Variants in ADA2 observed in about 807,000 individuals in gnomAD.
ADA2 encodes adenosine deaminase 2.
ADA2 carries 29 observed loss-of-function variants against 44.2 expected under a neutral mutation model. The ratio of observed to expected loss-of-function variants is 0.66; its 90% CI spans 0.49 to 0.89. The LOEUF is 0.89. Among genes scored for constraint, ADA2 ranks in the 40% least tolerant of loss-of-function variants. The pLI, the probability that ADA2 is intolerant of heterozygous loss-of-function variation, is 0.00. For missense variants in ADA2, 637 were observed against 644.8 expected, an observed-to-expected ratio of 0.99 and a Z score of 0.13; for synonymous variants, 215 against 234.9, an observed-to-expected ratio of 0.92 and a Z score of 0.77.
rs2286347 is a variant in ADA2, at chr22:17,190,162, C to T, written c.882-130G>A. The T allele has an allele frequency of 0.05, 34,265 of 680,272 alleles. 1,601 individuals are homozygous for T. Among genetic ancestry groups the T allele is most frequent in the East Asian group, 0.18 (6,747 of 37,610 alleles). The allele number at this position is 680,272 out of a possible 1,614,324, so 42.1% of individuals were successfully genotyped here. On this transcript the variant is annotated intron_variant, in intron 5 of 9. Transcript: ENST00000399837. The stretch of plus-strand genomic sequence containing the variant: ...GTCCCGTTTCCCAAACCTGAGGCAC[C>T]CCTGCCCTCCTGACCCCACCCTGAC...
intron 7 of ADA2, 94 bp downstream of exon 7, chr22:17,188,245 C>T (rs1256745073): frequency 4.7e-5 from 38 of 814,392 alleles, no homozygotes; most frequent in Middle Eastern, 6.8e-4. Context: ...GCTCTGGAAA[C>T]GCCTGTAGGC....
Position 17,182,763 on chromosome 22 carries a change from T to C in ADA2, c.1082-2A>G, listed in dbSNP as rs778965407. On this transcript the variant is annotated splice_acceptor_variant, in intron 7 of 9. Coordinates refer to ENST00000399837, the MANE Select transcript of ADA2 (RefSeq NM_001282225.2). LOFTEE classifies it high-confidence loss of function. ...TGTCTATGGAAGTACCCTGCCAGTC[T>C]GAACACACGGGAATGGTCTTCCATG... is the stretch of plus-strand genomic sequence containing the variant. 2 of 1,612,876 alleles carry C rather than the reference T, an allele frequency of 1.2e-6. No homozygotes were observed. Among genetic ancestry groups the C allele is most frequent in the Admixed American group, 1.7e-5 (1 of 59,956 alleles).
chr22:17,192,379 G>A (rs1377652322), intron 4 of ADA2, among the ~76,000 whole-genome samples: 9 of 152,120 alleles, frequency 5.9e-5, no homozygotes, highest in Admixed American at 4.6e-4. Context: ...TGAGAATGAC[G>A]TCATTCCCCA....
At chr22:17,213,669 G>A (rs1168006834) in intron 1 of ADA2, 2 of 260,008 alleles carry the variant, frequency 7.7e-6, no homozygotes, top group South Asian at 3.9e-5. Flanking sequence ...GAAGCAGCAC[G>A]GCCTGGACAA....
In ADA2 at chr22:17,188,189, C is replaced by T. The variant is rs117996853; in HGVS notation, c.1081+150G>A. 3,911 of 540,586 alleles carry T rather than the reference C, an allele frequency of 7.2e-3. 25 individuals carry two copies. The highest frequency in any genetic ancestry group is 0.023 in the Middle Eastern group (48 of 2,054). 33.5% of individuals were successfully genotyped at this position (540,586 alleles called of 1,614,324 possible). ...TTCTATTATCCTTGTTATTCCTTCT[C>T]CATGGGGCTGTTGTCAGGATTAAGT... On this transcript the variant is annotated intron_variant, in intron 7 of 9. Coordinates refer to ENST00000399837, the MANE Select transcript of ADA2 (RefSeq NM_001282225.2).
intron 3 of ADA2, 116 bp from the exon 4 acceptor site, chr22:17,203,889 C>T (rs2062322246): frequency 8.7e-6 from 6 of 689,172 alleles, no homozygotes; most frequent in Non-Finnish European, 1.6e-5. Flanking sequence ...CAGGATTCAC[C>T]CTAGAGTGGA....
upstream of ADA2, among the ~76,000 whole-genome samples, chr22:17,220,826 C>G (rs572640801): frequency 6.6e-6 from 1 of 152,246 alleles, no homozygotes; most frequent in Admixed American, 6.5e-5. Flanking sequence ...ATTTAATAAA[C>G]AGGAAGAAAT....
chr22:17,206,974 G>C lies in ADA2; in HGVS notation c.542+97C>G, dbSNP rs118109773. On this transcript the variant is annotated intron_variant, in intron 3 of 9. Transcript: ENST00000399837. The stretch of plus-strand genomic sequence containing the variant: ...CAGCCTTGCCTCATGTTTTATTAAA[G>C]CCAGATTTTTATCTATAGGTTTGTA... 89 of 925,876 alleles carry C rather than the reference G, an allele frequency of 9.6e-5. No individual in the cohort carries two copies. In the East Asian group the frequency reaches 2.3e-3, roughly 23 times the overall value. The allele number at this position is 925,876 out of a possible 1,614,324, so 57.4% of individuals were successfully genotyped here. A position where few individuals can be genotyped will look rare whatever the true frequency, so the allele number is the denominator to read the frequency against.
chr22:17,189,749 C>T (rs913405671), intron 6 of ADA2, 193 bp downstream of exon 6: 30 of 554,974 alleles, frequency 5.4e-5, no homozygotes, highest in Non-Finnish European at 8.8e-5. Context: ...CAGCCGTCCC[C>T]TGTAGGCCTC....
At chr22:17,203,932 G>A (rs770341941) in intron 3 of ADA2, among the ~76,000 whole-genome samples, 159 bp from the exon 4 acceptor site, 8 of 152,124 alleles carry the variant, frequency 5.3e-5, no homozygotes, top group Admixed American at 6.6e-5. Context: ...GCATTCCCAC[G>A]CTCACGATAT....
chr22:17,194,007 G>A (rs770833569), intron 4 of ADA2, among the ~76,000 whole-genome samples: 1 of 120,768 alleles, frequency 8.3e-6, no homozygotes, highest in Admixed American at 8.7e-5. Context: ...GTTCCTGTCT[G>A]TAAAAAGGAA....
intron 7 of ADA2, among the ~76,000 whole-genome samples, chr22:17,184,058 C>G (rs2062007518): frequency 7.1e-6 from 1 of 140,570 alleles, no homozygotes; most frequent in African/African-American, 2.7e-5. Flanking sequence ...TCCCGGGGTT[C>G]ATGCCATTCT....
At chr22:17,194,775 T>C (rs921585937) in intron 4 of ADA2, among the ~76,000 whole-genome samples, 1 of 151,624 alleles carries the variant, frequency 6.6e-6, no homozygotes, top group Non-Finnish European at 1.5e-5. Context: ...TATTGTCTAT[T>C]ATTATTATTA....
At chr22:17,181,701 C>T in intron 9 of ADA2, 119 bp downstream of exon 9, 1 of 1,074,236 alleles carries the variant, frequency 9.3e-7, no homozygotes, top group Non-Finnish European at 1.4e-6. Context: ...GACTAAACAG[C>T]CATGATGAGA....
intron 4 of ADA2, chr22:17,199,626 G>A (rs749495371): frequency 6.2e-7 from 1 of 1,613,900 alleles, no homozygotes; most frequent in South Asian, 1.1e-5. Flanking sequence ...CTCTGGGATC[G>A]CCATTTGAGG....
chr22:17,207,286 A>G lies in ADA2; in HGVS notation c.327T>C (p.Ala109=), dbSNP rs1451354902. 6.2e-7 allele frequency: 1 copy of G among 1,600,964 alleles called. No homozygotes were observed. The highest frequency in any genetic ancestry group is 1.7e-5 in the Admixed American group (1 of 59,838). Reference sequence around the variant, plus strand: ...TGCCAATGTCATGGAGGTGCAAGGCAGCCCCTGGAGAGGGAAGAAGAATGG... The same window carrying G: ...TGCCAATGTCATGGAGGTGCAAGGCGGCCCCTGGAGAGGGAAGAAGAATGG... ...FNILRMMPKG[A]ALHLHDIGIV... is the part of the protein sequence containing the mutation. The change falls in exon 3 of 10, where the codon GCT becomes GCC. Residue 109 remains alanine, a synonymous_variant. Coordinates refer to ENST00000399837, the MANE Select transcript of ADA2 (RefSeq NM_001282225.2).
intron 3 of ADA2, among the ~76,000 whole-genome samples, chr22:17,206,087 T>C (rs959001273): frequency 3.3e-5 from 5 of 152,214 alleles, no homozygotes; most frequent in Non-Finnish European, 7.3e-5. Flanking sequence ...CCAGCTAGAT[T>C]GTCATCACTT....
In ADA2 at chr22:17,180,521, G is replaced by A. The variant is rs1293197915; in HGVS notation, c.*962C>T. On this transcript the variant is annotated 3_prime_UTR_variant, in exon 10 of 10. Transcript: ENST00000399837. Reference sequence around the variant, plus strand: ...AGGCCAGGGAAAGGTTTAAAGGGCTGAGTGTGGTGGCTCATGTCAGTAATC... The same window carrying A: ...AGGCCAGGGAAAGGTTTAAAGGGCTAAGTGTGGTGGCTCATGTCAGTAATC... The A allele has an allele frequency of 1.3e-5, 2 of 152,294 alleles. No individual in the cohort carries two copies. Among genetic ancestry groups the A allele is most frequent in the African/African-American group, 2.4e-5 (1 of 41,452 alleles). 9.4% of individuals were successfully genotyped at this position (152,294 alleles called of 1,614,324 possible).
intron 3 of ADA2, among the ~76,000 whole-genome samples, chr22:17,204,700 C>A (rs892408910): frequency 6.6e-6 from 1 of 151,964 alleles, no homozygotes; most frequent in Admixed American, 6.6e-5. Flanking sequence ...GCCTTCTGCA[C>A]GCCAAGGACA....
Sources: gnomAD v4.1 joint callset for allele counts (sites outside exome capture counted in the v4.1 genomes callset) on GRCh38, gnomAD v4.1.1 for gene constraint, MANE v1.5 for transcripts, NCBI Gene and HGNC (gene_info 2026-07-23, HGNC 2026-07-21) for gene names.